GSTCD: variants seen among roughly 807,000 people sequenced by gnomAD.
GSTCD encodes the protein glutathione S-transferase C-terminal domain-containing protein.
In GSTCD, 44 loss-of-function variants were observed where a neutral mutation model predicts 68.3. That is an observed-to-expected ratio of 0.64 (90% confidence interval 0.51 to 0.83). The LOEUF (loss-of-function observed/expected upper bound fraction) is 0.83, where lower values mean the gene tolerates loss of function less well. Among genes scored for constraint, GSTCD ranks in the 40% least tolerant of loss-of-function variants. The pLI is 0.00. For missense variants in GSTCD, 739 were observed against 735.9 expected (o/e 1.00, Z -0.05); for synonymous variants, 273 against 255.2 (o/e 1.07, Z -0.67).
chr4:105,816,411 T>C (rs1410341853), intron 5 of GSTCD, among the ~76,000 whole-genome samples: 2 of 152,112 alleles, frequency 1.3e-5, no homozygotes, highest in African/African-American at 4.8e-5. Flanking sequence ...AAATGGTCTC[T>C]TTCTGGAAAG....
intron 1 of GSTCD, among the ~76,000 whole-genome samples, chr4:105,709,499 G>C (rs1732443896): frequency 6.6e-6 from 1 of 152,106 alleles, no homozygotes; most frequent in South Asian, 2.1e-4. Flanking sequence ...TTCATTTGGG[G>C]CCATTTGCTT....
chr4:105,823,389 T>A, intron 7 of GSTCD, 114 bp downstream of exon 7: 1 of 774,034 alleles, frequency 1.3e-6, no homozygotes, highest in Non-Finnish European at 2.2e-6. Context: ...GTCAAATATG[T>A]GGCACAGGCA....
chr4:105,776,662 T>C (rs1172290857), intron 5 of GSTCD, among the ~76,000 whole-genome samples: 1 of 152,132 alleles, frequency 6.6e-6, no homozygotes, highest in Admixed American at 6.6e-5. Context: ...CTCTGTGGGC[T>C]GTACCCACTG....
At chr4:105,823,867 A>G (rs998268970) in intron 7 of GSTCD, among the ~76,000 whole-genome samples, 2 of 152,120 alleles carry the variant, frequency 1.3e-5, no homozygotes, top group African/African-American at 4.8e-5. Context: ...CCTATTGCTA[A>G]TAGTTTTACG....
intron 5 of GSTCD, among the ~76,000 whole-genome samples, chr4:105,740,860 T>G (rs958145930): frequency 6.6e-6 from 1 of 152,148 alleles, no homozygotes; most frequent in African/African-American, 2.4e-5. Flanking sequence ...GCAGCCATAG[T>G]GTCAGTTCAA....
chr4:105,758,135 A>G (rs1021974736), intron 5 of GSTCD, among the ~76,000 whole-genome samples: 1 of 152,236 alleles, frequency 6.6e-6, no homozygotes, highest in African/African-American at 2.4e-5. Flanking sequence ...TAATGGTTCC[A>G]TAATACCTCA....
At chr4:105,845,080 C>T (rs1030121176) in intron 11 of GSTCD, among the ~76,000 whole-genome samples, 5 of 152,038 alleles carry the variant, frequency 3.3e-5, no homozygotes, top group African/African-American at 1.2e-4. Context: ...ATTTTTTTTC[C>T]ACATTACAGA....
chr4:105,737,436 T>C (rs1469327281), intron 5 of GSTCD, among the ~76,000 whole-genome samples: 2 of 152,354 alleles, frequency 1.3e-5, no homozygotes, highest in East Asian at 1.9e-4. Context: ...GCTGGTTGTG[T>C]CTTCACTTTG....
chr4:105,771,128 A>T (rs1734829197), intron 5 of GSTCD, among the ~76,000 whole-genome samples: 1 of 152,026 alleles, frequency 6.6e-6, no homozygotes, highest in Non-Finnish European at 1.5e-5. Flanking sequence ...AACAGTGATG[A>T]TGAGTTTTTT....
intron 10 of GSTCD, among the ~76,000 whole-genome samples, chr4:105,838,156 C>A (rs2149286407): frequency 6.6e-6 from 1 of 152,284 alleles, no homozygotes; most frequent in East Asian, 1.9e-4. Context: ...AGATATGAGA[C>A]CCCTAAGTCA....
At chr4:105,718,182 C>T in intron 2 of GSTCD, 143 bp downstream of exon 2, 3 of 667,056 alleles carry the variant, frequency 4.5e-6, no homozygotes, top group Non-Finnish European at 7.3e-6. Flanking sequence ...TAAAGTAGCC[C>T]TTTGATATAG....
chr4:105,785,998 C>T (rs1437500810), intron 5 of GSTCD, among the ~76,000 whole-genome samples: 5 of 152,104 alleles, frequency 3.3e-5, no homozygotes, highest in African/African-American at 1.2e-4. Context: ...CATTTACAAC[C>T]CTATCATAAA....
intron 8 of GSTCD, among the ~76,000 whole-genome samples, chr4:105,829,966 T>TA (rs746399405): frequency 1.3e-5 from 2 of 150,482 alleles, no homozygotes; most frequent in East Asian, 1.9e-4. Flanking sequence ...AAATAGAACT[T>TA]AAAAAAAAGA....
At chr4:105,716,681 C>A (rs958603395) in intron 1 of GSTCD, among the ~76,000 whole-genome samples, 2 of 152,162 alleles carry the variant, frequency 1.3e-5, no homozygotes, top group African/African-American at 2.4e-5. Context: ...CCATCCCCAT[C>A]CCCCCACCAA....
At chr4:105,727,041 G>T (rs917289583) in intron 4 of GSTCD, among the ~76,000 whole-genome samples, 1 of 149,550 alleles carries the variant, frequency 6.7e-6, no homozygotes, top group Non-Finnish European at 1.5e-5. Flanking sequence ...TATTTTTGGA[G>T]CCAAGTAAGT....
chr4:105,830,760 T>G (rs1723859672), intron 8 of GSTCD, among the ~76,000 whole-genome samples: 1 of 151,972 alleles, frequency 6.6e-6, no homozygotes, highest in East Asian at 1.9e-4. Flanking sequence ...AGCTTTTGGG[T>G]AGGGAACAAC....
intron 5 of GSTCD, among the ~76,000 whole-genome samples, chr4:105,813,667 T>A (rs928132970): frequency 6.6e-6 from 1 of 152,156 alleles, no homozygotes. Context: ...ATTGTAATGA[T>A]CTCCCTCAAA....
In GSTCD at chr4:105,799,814, C is replaced by CAA. The variant is rs5860815; in HGVS notation, c.1241-23125_1241-23124dup. On this transcript the variant is annotated intron_variant, in intron 5 of 11. Transcript: ENST00000515279. ...CACTGATAGACTTAACACAGCGTTG[C>CAA]AAAAAAAAAAAAAAAATCTTCATTT... 7.1e-3 allele frequency among the ~76,000 whole-genome samples: 829 copies of CAA among 116,466 alleles called. 9 individuals carry two copies. The highest frequency in any genetic ancestry group is 0.021 in the African/African-American group (774 of 36,138). The allele number at this position is 116,466 out of a possible 152,430, so 76.4% of individuals were successfully genotyped here.
intron 10 of GSTCD, 28 bp downstream of exon 10, chr4:105,837,917 C>G: frequency 1.1e-6 from 1 of 914,398 alleles, no homozygotes; most frequent in East Asian, 2.7e-5. Context: ...TAGATATCAT[C>G]CTAATACACT....
Sources: gnomAD v4.1 joint callset for allele counts (sites outside exome capture counted in the v4.1 genomes callset) on GRCh38, gnomAD v4.1.1 for gene constraint, MANE v1.5 for transcripts, NCBI Gene and HGNC (gene_info 2026-07-23, HGNC 2026-07-21) for gene names.